ALK: variants seen among roughly 807,000 people sequenced by gnomAD.
The protein encoded by ALK is ALK receptor tyrosine kinase.
Under a neutral mutation model 163.1 loss-of-function variants are expected in ALK, and 74 were observed. The ratio of observed to expected loss-of-function variants is 0.45; its 90% CI spans 0.38 to 0.55. ALK has a LOEUF of 0.55. Among genes scored for constraint, ALK ranks in the 20% least tolerant of loss-of-function variants. ALK has a pLI of 0.00. For synonymous variants in ALK, 960 were observed against 843.2 expected, an observed-to-expected ratio of 1.14 and a Z score of -2.40; for missense variants, 2,063 against 2,105.3, an observed-to-expected ratio of 0.98 and a Z score of 0.39.
chr2:29,820,335 G>A (rs753608944), intron 1 of ALK, among the ~76,000 whole-genome samples: 39 of 152,296 alleles, frequency 2.6e-4, no homozygotes, highest in Non-Finnish European at 4.9e-4. Context: ...CAGCTCCATT[G>A]AAGCCCTCAG....
At chr2:29,486,325 C>G (rs1671775643) in intron 4 of ALK, among the ~76,000 whole-genome samples, 1 of 152,134 alleles carries the variant, frequency 6.6e-6, no homozygotes, top group Non-Finnish European at 1.5e-5. Context: ...ACCAGAAGGA[C>G]AGAGACTATG....
chr2:29,707,306 A>C (rs917715948), intron 2 of ALK, among the ~76,000 whole-genome samples: 2 of 152,074 alleles, frequency 1.3e-5, no homozygotes, highest in Admixed American at 6.6e-5. Flanking sequence ...ATGGGGTTCC[A>C]TTCCTCCCTG....
In ALK at chr2:29,320,803, A is replaced by G. The variant is rs887232287; in HGVS notation, c.1494T>C (p.Thr498=). ...TTAGGGTCCTGACCTGCCATTGAGG[A>G]GTGTGGGGTGACAGTGTGCCTTGGG... ...GWTQGTLSPH[T]PQWQVRTLKD... is the part of the protein sequence containing the mutation. The change falls in exon 7 of 29, where the codon ACT becomes ACC. Residue 498 remains threonine, a synonymous_variant. Coordinates refer to ENST00000389048, the MANE Select transcript of ALK (RefSeq NM_004304.5). The G allele has an allele frequency of 6.2e-7, 1 of 1,614,050 alleles. No homozygotes were observed. Among genetic ancestry groups the G allele is most frequent in the African/African-American group, 1.3e-5 (1 of 75,024 alleles).
chr2:29,882,460 C>T (rs146546718), intron 1 of ALK, among the ~76,000 whole-genome samples: 156 of 152,294 alleles, frequency 1.0e-3, no homozygotes, highest in Middle Eastern at 3.4e-3. Flanking sequence ...CTTTCGGAGG[C>T]TGAGGCAGGT....
intron 19 of ALK, among the ~76,000 whole-genome samples, chr2:29,225,010 T>G (rs1039291412): frequency 2.0e-5 from 3 of 152,152 alleles, no homozygotes; most frequent in Non-Finnish European, 4.4e-5. Flanking sequence ...AGAAATATAC[T>G]CAGAAACCGA....
intron 1 of ALK, among the ~76,000 whole-genome samples, chr2:29,811,305 G>T (rs756530951): frequency 2.0e-5 from 3 of 152,114 alleles, no homozygotes; most frequent in Non-Finnish European, 4.4e-5. Flanking sequence ...ACAACAGAAA[G>T]AAGTTTGGTA....
intron 3 of ALK, among the ~76,000 whole-genome samples, chr2:29,619,427 G>A (rs896104395): frequency 7.9e-5 from 12 of 152,184 alleles, no homozygotes; most frequent in East Asian, 1.9e-4. Flanking sequence ...TTCTTTGAGC[G>A]TGTGAGCCCT....
chr2:29,390,605 T>C (rs891761050), intron 4 of ALK, among the ~76,000 whole-genome samples: 2 of 151,936 alleles, frequency 1.3e-5, no homozygotes, highest in African/African-American at 4.8e-5. Context: ...TGAACCTCTC[T>C]CTCTAATCTT....
At chr2:29,251,969 G>A (rs1664826408) in intron 11 of ALK, among the ~76,000 whole-genome samples, 1 of 152,196 alleles carries the variant, frequency 6.6e-6, no homozygotes, top group African/African-American at 2.4e-5. Context: ...AAACCAGCTT[G>A]CATTTGGAAA....
rs916421584 is a variant in ALK, at chr2:29,457,660, C to T, written c.1155-73801G>A. Among the ~76,000 whole-genome samples, 16 of 152,076 alleles carry T rather than the reference C, an allele frequency of 1.1e-4. No homozygotes were observed. The East Asian group carries it at 1.5e-3, about 15-fold the overall frequency. ...AATCAGGGAGCTTGGGTTCAGATCA[C>T]GTTTTCAAACCTGTCACATCTACAT... On this transcript the variant is annotated intron_variant, in intron 4 of 28. Coordinates refer to ENST00000389048, the MANE Select transcript of ALK (RefSeq NM_004304.5).
At chr2:29,839,171 G>C (rs1036281648) in intron 1 of ALK, among the ~76,000 whole-genome samples, 13 of 152,128 alleles carry the variant, frequency 8.5e-5, no homozygotes, top group African/African-American at 3.1e-4. Context: ...GTGCAAATTA[G>C]TTTATCTGTT....
At chr2:29,658,228 T>C (rs1299507436) in intron 3 of ALK, among the ~76,000 whole-genome samples, 1 of 152,168 alleles carries the variant, frequency 6.6e-6, no homozygotes, top group Non-Finnish European at 1.5e-5. Flanking sequence ...CAGTGTAATA[T>C]GGTACAATGA....
In ALK at chr2:29,228,930, C is replaced by T. The variant is rs75434768; in HGVS notation, c.2769G>A (p.Gly923=). The T allele has an allele frequency of 6.7e-7, 1 of 1,499,720 alleles. No individual in the cohort carries two copies. Among genetic ancestry groups the T allele is most frequent in the Admixed American group, 1.7e-5 (1 of 59,744 alleles). The allele number at this position is 1,499,720 out of a possible 1,614,324, so 92.9% of individuals were successfully genotyped here. ...CACCTGAGGAGCACCCCCCTCCACC[C>T]CCTCCGAAACCCCCTCTTGTCTCCC... The part of the protein sequence containing the change: ...WGWETRGGFG[G]GGGGCSSGGG... Residue 923 remains glycine (G), a synonymous_variant, in exon 16 of 29, where the codon GGG becomes GGA. Transcript: ENST00000389048.
chr2:29,740,550 A>T (rs951678912), intron 1 of ALK, among the ~76,000 whole-genome samples: 42 of 152,362 alleles, frequency 2.8e-4, no homozygotes, highest in African/African-American at 9.9e-4. Flanking sequence ...ACATATTAAA[A>T]ATGAGAGAAG....
At chr2:29,812,577 G>C (rs546234922) in intron 1 of ALK, among the ~76,000 whole-genome samples, 2 of 152,236 alleles carry the variant, frequency 1.3e-5, no homozygotes, top group African/African-American at 2.4e-5. Flanking sequence ...GTTTTTAAAT[G>C]ATGGGGTTTC....
chr2:29,257,113 A>T (rs567298229), intron 11 of ALK, among the ~76,000 whole-genome samples: 3 of 152,182 alleles, frequency 2.0e-5, no homozygotes, highest in South Asian at 4.2e-4. Flanking sequence ...CTGAAGCCCT[A>T]TGGAGCTGTA....
At chr2:29,484,360 T>C (rs937150377) in intron 4 of ALK, among the ~76,000 whole-genome samples, 2 of 152,140 alleles carry the variant, frequency 1.3e-5, no homozygotes, top group Non-Finnish European at 2.9e-5. Context: ...TATATCTATA[T>C]ATACAAGCAC....
intron 3 of ALK, among the ~76,000 whole-genome samples, chr2:29,664,258 T>A (rs1404839364): frequency 6.6e-6 from 1 of 152,190 alleles, no homozygotes; most frequent in African/African-American, 2.4e-5. Flanking sequence ...TAAGAAATTT[T>A]TCATGGGATT....
intron 1 of ALK, among the ~76,000 whole-genome samples, chr2:29,834,565 C>T (rs1458825136): frequency 6.6e-6 from 1 of 151,882 alleles, no homozygotes; most frequent in Non-Finnish European, 1.5e-5. Flanking sequence ...AGCTATAATG[C>T]CAATATAATA....
Sources: allele counts gnomAD v4.1 joint callset (sites outside exome capture counted in the v4.1 genomes callset), GRCh38; gene constraint gnomAD v4.1.1; transcripts MANE v1.5; gene names NCBI Gene and HGNC (gene_info 2026-07-23, HGNC 2026-07-21).